The following PRICKLE2 variants were observed in gnomAD, a reference collection of about 807,000 sequenced individuals.
PRICKLE2 encodes the protein prickle-like protein 2.
A neutral mutation model predicts 81.4 loss-of-function variants in PRICKLE2; 21 were observed. The observed-to-expected ratio is 0.26, with a 90% CI of 0.18 to 0.37. The LOEUF (loss-of-function observed/expected upper bound fraction) is 0.37. Ranked by LOEUF, PRICKLE2 falls within the 10% of genes least tolerant of loss-of-function variation. PRICKLE2 has a pLI of 1.00. For missense variants in PRICKLE2, 940 were observed against 1,109.0 expected, an observed-to-expected ratio of 0.85 and a Z score of 2.16; for synonymous variants, 456 against 421.5, an observed-to-expected ratio of 1.08 and a Z score of -1.00.
At chr3:64,193,986 G>A (rs1236014016) in intron 2 of PRICKLE2, among the ~76,000 whole-genome samples, 1 of 152,182 alleles carries the variant, frequency 6.6e-6, no homozygotes, top group Non-Finnish European at 1.5e-5. Flanking sequence ...CAGGCAAAAA[G>A]GTTGAAACAC....
At chr3:64,140,122 T>G (rs2077338082) in intron 7 of PRICKLE2, among the ~76,000 whole-genome samples, 1 of 152,192 alleles carries the variant, frequency 6.6e-6, no homozygotes, top group African/African-American at 2.4e-5. Flanking sequence ...TGTTCTAAAT[T>G]CTTTCTATGA....
At chr3:64,207,163 G>A (rs1014522935) in intron 1 of PRICKLE2, among the ~76,000 whole-genome samples, 6 of 152,124 alleles carry the variant, frequency 3.9e-5, no homozygotes, top group East Asian at 1.9e-4. Flanking sequence ...GCCTTCCAAA[G>A]TGCTGGGATT....
chr3:64,134,741 T>C (rs2077252094), intron 7 of PRICKLE2, among the ~76,000 whole-genome samples: 1 of 152,192 alleles, frequency 6.6e-6, no homozygotes, highest in African/African-American at 2.4e-5. Context: ...TGTATGAGTG[T>C]GTACCTTAGG....
In PRICKLE2 at chr3:64,197,309, G is replaced by A. The variant is rs865918498; in HGVS notation, c.144+1475C>T. Among the ~76,000 whole-genome samples, 13 of 152,202 alleles carry A rather than the reference G, an allele frequency of 8.5e-5. No individual in the cohort carries two copies. The Middle Eastern group carries it at 0.01, about 119-fold the overall frequency. On this transcript the variant is annotated intron_variant, in intron 2 of 7. Transcript: ENST00000638394. ...GATTGCTGGGTCAAATGGTATTAAC[G>A]TTTTTAGGTCTTTGAGGAATTGTCA... is the stretch of plus-strand genomic sequence containing the variant.
intron 1 of PRICKLE2, among the ~76,000 whole-genome samples, chr3:64,211,287 A>G (rs1234916462): frequency 2.0e-5 from 3 of 152,192 alleles, no homozygotes; most frequent in African/African-American, 7.2e-5. Flanking sequence ...ACAATAATTC[A>G]CTGAAAATTT....
intron 7 of PRICKLE2, among the ~76,000 whole-genome samples, chr3:64,125,700 A>C (rs1376976917): frequency 6.6e-6 from 1 of 152,248 alleles, no homozygotes; most frequent in Non-Finnish European, 1.5e-5. Flanking sequence ...AATAGACTAC[A>C]GTATAATGTA....
chr3:64,187,570 A>G (rs1311553402), intron 2 of PRICKLE2: 3 of 152,268 alleles, frequency 2.0e-5, no homozygotes, highest in African/African-American at 7.2e-5. Context: ...GTGCTGATGG[A>G]GTAATGAAAT....
chr3:64,247,569 A>T (rs1014000693), intron 2 of PRICKLE2, among the ~76,000 whole-genome samples: 2 of 152,136 alleles, frequency 1.3e-5, no homozygotes, highest in African/African-American at 4.8e-5. Context: ...GCTATGCAAA[A>T]TTTTTCAGCA....
upstream of PRICKLE2, among the ~76,000 whole-genome samples, chr3:64,230,317 G>A (rs965703062): frequency 3.9e-5 from 6 of 152,230 alleles, no homozygotes; most frequent in Admixed American, 3.3e-4. Flanking sequence ...AACACATAAT[G>A]CCTTTAAACA....
chr3:64,103,987 T>C (rs1049523925), intron 7 of PRICKLE2, among the ~76,000 whole-genome samples: 1 of 152,092 alleles, frequency 6.6e-6, no homozygotes, highest in Non-Finnish European at 1.5e-5. Context: ...CTCCAAAAAA[T>C]AAACAAATAA....
intron 7 of PRICKLE2, among the ~76,000 whole-genome samples, chr3:64,117,890 C>T (rs2076962306): frequency 6.6e-6 from 1 of 152,038 alleles, no homozygotes; most frequent in South Asian, 2.1e-4. Flanking sequence ...GCCCAAATAG[C>T]CAAGACAATC....
At chr3:64,265,070 C>T (rs1174580544) in intron 2 of PRICKLE2, among the ~76,000 whole-genome samples, 1 of 152,132 alleles carries the variant, frequency 6.6e-6, no homozygotes, top group Non-Finnish European at 1.5e-5. Flanking sequence ...GTCCAGATTA[C>T]AATCTTTGCA....
chr3:64,199,447 T>C (rs1305104478), intron 1 of PRICKLE2: 1 of 161,964 alleles, frequency 6.2e-6, no homozygotes, highest in African/African-American at 2.4e-5. Context: ...GAGAAAATGG[T>C]TTTAAAAATG....
intron 2 of PRICKLE2, chr3:64,194,349 C>G (rs913429580): frequency 6.6e-6 from 1 of 152,214 alleles, no homozygotes. Context: ...ATTGAGTCAT[C>G]CTTTTTTGTC....
At chr3:64,249,283 C>T (rs988598664) in intron 2 of PRICKLE2, among the ~76,000 whole-genome samples, 12 of 152,224 alleles carry the variant, frequency 7.9e-5, no homozygotes, top group Admixed American at 7.8e-4. Flanking sequence ...TTTAAACCAT[C>T]ATATCTCATG....
chr3:64,117,667 G>A (rs2076958180), intron 7 of PRICKLE2, among the ~76,000 whole-genome samples: 1 of 152,110 alleles, frequency 6.6e-6, no homozygotes, highest in Non-Finnish European at 1.5e-5. Context: ...TCTCTACATG[G>A]AGAACTTCAA....
chr3:64,185,133 T>G (rs1306063828), intron 2 of PRICKLE2, among the ~76,000 whole-genome samples: 1 of 152,158 alleles, frequency 6.6e-6, no homozygotes, highest in Non-Finnish European at 1.5e-5. Flanking sequence ...GTGTTCACAA[T>G]TTTGATCATC....
intron 2 of PRICKLE2, among the ~76,000 whole-genome samples, chr3:64,180,597 A>G (rs1314312734): frequency 2.0e-5 from 3 of 151,852 alleles, no homozygotes; most frequent in Non-Finnish European, 4.4e-5. Context: ...CAGTAGCACT[A>G]TCTCTGCTCA....
intron 7 of PRICKLE2, among the ~76,000 whole-genome samples, chr3:64,115,848 TGATA>T (rs1421171012): frequency 1.3e-5 from 2 of 152,162 alleles, no homozygotes; most frequent in Admixed American, 6.5e-5. Context: ...CAAGCAGACC[TGATA>T]GATATCTATA....
Sources: gnomAD v4.1 joint callset for allele counts (sites outside exome capture counted in the v4.1 genomes callset) on GRCh38, gnomAD v4.1.1 for gene constraint, MANE v1.5 for transcripts, NCBI Gene and HGNC (gene_info 2026-07-23, HGNC 2026-07-21) for gene names.